PARP3: variants seen among roughly 807,000 people sequenced by gnomAD.
PARP3 encodes the protein protein mono-ADP-ribosyltransferase PARP3.
Under a neutral mutation model 58.2 loss-of-function variants are expected in PARP3, and 46 were observed. The observed-to-expected ratio is 0.79, with a 90% confidence interval of 0.62 to 1.01. The LOEUF is 1.01. Ranked by LOEUF, PARP3 falls within the 50% of genes least tolerant of loss-of-function variation. The pLI, the probability that PARP3 is intolerant of heterozygous loss-of-function variation, is 0.00. For synonymous variants in PARP3, 252 were observed against 266.4 expected (o/e 0.95, Z 0.53); for missense variants, 663 against 683.9 (o/e 0.97, Z 0.34).
intron 6 of PARP3, 98 bp from the exon 7 acceptor site, chr3:51,945,397 C>A: frequency 6.9e-7 from 1 of 1,447,768 alleles, no homozygotes; most frequent in Non-Finnish European, 9.4e-7. Context: ...ACAGGTGGGA[C>A]ACACAGGTGG....
rs1699712019 is a variant in PARP3, at chr3:51,947,725, C to T, written c.1277-15C>T. On this transcript the variant is annotated splice_polypyrimidine_tract_variant and intron_variant, in intron 9 of 10. Coordinates refer to ENST00000398755, the MANE Select transcript of PARP3 (RefSeq NM_001003931.4). ...CAGGCTGAGCTGCCCACCGGTGCCT[C>T]CCTGTGTCTTGCAGTTATTGGCATG... 3 of 1,613,952 alleles carry T rather than the reference C, an allele frequency of 1.9e-6. No individual in the cohort carries two copies. Among genetic ancestry groups the T allele is most frequent in the East Asian group, 4.5e-5 (2 of 44,878 alleles).
intron 2 of PARP3, 134 bp from the exon 3 acceptor site, chr3:51,943,955 C>A (rs759178588): frequency 2.4e-5 from 19 of 775,550 alleles, no homozygotes; most frequent in Non-Finnish European, 4.0e-5. Context: ...AGTGACCCCC[C>A]CAAGCTTCCA....
At chr3:51,943,275 C>A in intron 1 of PARP3, 79 bp from the exon 2 acceptor site, 4 of 1,375,456 alleles carry the variant, frequency 2.9e-6, no homozygotes, top group Non-Finnish European at 3.9e-6. Flanking sequence ...TGGCCCAGGG[C>A]AGGGGTGGGG....
intron 10 of PARP3, 113 bp downstream of exon 10, chr3:51,948,008 CA>C (rs1158676916): frequency 3.7e-6 from 4 of 1,080,924 alleles, no homozygotes; most frequent in Non-Finnish European, 4.0e-6. Flanking sequence ...TCCCTGTCGT[CA>C]CTCAGTTTGT....
In PARP3 at chr3:51,943,487, C is replaced by T. The variant is rs767202745; in HGVS notation, c.132C>T (p.Arg44=). The T allele has an allele frequency of 1.2e-5, 19 of 1,611,076 alleles. No homozygotes were observed. In the East Asian group the frequency reaches 4.2e-4, roughly 36 times the overall value. The change falls in exon 2 of 11, where the codon CGC becomes CGT. Residue 44 remains arginine (R), a synonymous_variant. Transcript: ENST00000398755. ...EALKAIPAEK[R]IIRVDPTCPL... ...TCAAGGCCATACCCGCAGAGAAGCG[C>T]ATAATCCGCGTGGATCCAACATGTC...
Position 51,946,424 on chromosome 3 carries a change from A to C in PARP3, c.1276+81A>C. ...CCCAGTCCTTGGCCACTGGAAATTC[A>C]TGGTGAATCCAAGAGAGGAATCCTT... On this transcript the variant is annotated intron_variant, in intron 9 of 10. Transcript: ENST00000398755. The surrounding 1 kb of genome is among the most constrained non-coding windows in gnomAD (Gnocchi z 4.6). 8.7e-7 allele frequency: 1 copy of C among 1,152,788 alleles called. No individual in the cohort carries two copies. The highest frequency in any genetic ancestry group is 2.5e-5 in the Admixed American group (1 of 40,560). The allele number at this position is 1,152,788 out of a possible 1,614,324, so 71.4% of individuals were successfully genotyped here. A position where few individuals can be genotyped will look rare whatever the true frequency, so the allele number is the denominator to read the frequency against.
intron 10 of PARP3, 29 bp from the exon 11 acceptor site, chr3:51,948,282 G>T: frequency 6.3e-7 from 1 of 1,599,488 alleles, no homozygotes; most frequent in Non-Finnish European, 8.5e-7. Context: ...TGACCCCTGG[G>T]CCACCCTGGC....
chr3:51,943,428 G>T lies in PARP3; in HGVS notation c.73G>T (p.Glu25Ter). The change falls in exon 2 of 11, where the codon GAG becomes TAG. Residue 25 changes from glutamate to a stop codon, truncating the protein, a stop_gained. Coordinates refer to ENST00000398755, the MANE Select transcript of PARP3 (RefSeq NM_001003931.4). LOFTEE classifies it high-confidence loss of function. ...GAAGAAGGGCCGGCAGGCAGGAAGG[G>T]AGGAGGACCCCTTCCGCTCCACCGC... is the stretch of plus-strand genomic sequence containing the variant. ...EKKKGRQAGREEDPFRSTAEA... is the reference protein window; with the variant it reads ...EKKKGRQAGR 6.2e-7 allele frequency: 1 copy of T among 1,607,582 alleles called. No individual in the cohort carries two copies. The highest frequency in any genetic ancestry group is 8.5e-7 in the Non-Finnish European group (1 of 1,177,794).
At position 51,945,146 on chromosome 3, in the gene PARP3, C is replaced by T. The variant is rs778334099; in HGVS notation, c.783C>T (p.Ile261=). ...TGTCCTCACACTTTTACACCGTCAT[C>T]CCGCACAACTTCGGCCACAGCCAGC... is the stretch of plus-strand genomic sequence containing the variant. The part of the protein sequence containing the change: ...EELSSHFYTV[I]PHNFGHSQPP... Residue 261 remains isoleucine, a synonymous_variant, in exon 6 of 11, where the codon ATC becomes ATT. Transcript: ENST00000398755. The T allele has an allele frequency of 1.5e-4, 250 of 1,614,004 alleles. 1 individual carries two copies. Among genetic ancestry groups the T allele is most frequent in the Non-Finnish European group, 1.9e-4 (230 of 1,180,064 alleles).
rs367984364 is a variant in PARP3, at chr3:51,945,017, G to A, written c.654G>A (p.Leu218=). Residue 218 remains leucine (L), a synonymous_variant, in exon 6 of 11, where the codon CTG becomes CTA. Coordinates refer to ENST00000398755, the MANE Select transcript of PARP3 (RefSeq NM_001003931.4). ...LMDLDVKKMP[L]GKLSKQQIAR... ...CCCTAGATGTGAAGAAGATGCCCCT[G>A]GGAAAGCTGAGCAAGCAACAGATTG... 1.9e-5 allele frequency: 30 copies of A among 1,613,866 alleles called. No homozygotes were observed. In the African/African-American group the frequency reaches 2.5e-4, roughly 14 times the overall value.
At position 51,947,934 on chromosome 3, in the gene PARP3, G is replaced by A. The variant is rs1699719592; in HGVS notation, c.1432+39G>A. The stretch of plus-strand genomic sequence containing the variant: ...AGCTGTACAGCCCAAGGAGAGAGGT[G>A]GGGCCGAGATAGGGGCTGGGACATT... On this transcript the variant is annotated intron_variant, in intron 10 of 10. Transcript: ENST00000398755. 6 of 1,590,254 alleles carry A rather than the reference G, an allele frequency of 3.8e-6. No individual in the cohort carries two copies. In the East Asian group the frequency reaches 1.3e-4, roughly 36 times the overall value.
rs380945 is a variant in PARP3 at position 51,948,804 on chromosome 3, T to C, written c.*324T>C. On this transcript the variant is annotated 3_prime_UTR_variant, in exon 11 of 11. Transcript: ENST00000398755. ...TCTTTCTGTGCCTGGCTTATTTCAC[T>C]CAGCATAATGTGCACCGGGTTCACC... The C allele has an allele frequency of 3.9e-3, 1,272 of 325,656 alleles. 21 individuals carry two copies. The highest frequency in any genetic ancestry group is 0.024 in the African/African-American group (1,166 of 47,610). The allele number at this position is 325,656 out of a possible 1,614,324, so 20.2% of individuals were successfully genotyped here. A position where few individuals can be genotyped will look rare whatever the true frequency, so the allele number is the denominator to read the frequency against.
chr3:51,947,492 T>G, intron 9 of PARP3: 1 of 513,224 alleles, frequency 1.9e-6, no homozygotes, highest in Admixed American at 3.3e-5. Flanking sequence ...CTGCCACGGG[T>G]TTGGTCACTG....
At position 51,946,896 on chromosome 3, in the gene PARP3, C is replaced by T. The variant is rs997619417; in HGVS notation, c.1276+553C>T. 4.6e-5 allele frequency among the ~76,000 whole-genome samples: 7 copies of T among 152,178 alleles called. No individual in the cohort carries two copies. The highest frequency in any genetic ancestry group is 1.7e-4 in the African/African-American group (7 of 41,438). On this transcript the variant is annotated intron_variant, in intron 9 of 10. Coordinates refer to ENST00000398755, the MANE Select transcript of PARP3 (RefSeq NM_001003931.4). This position sits in a 1 kb window ranked among gnomAD's most constrained non-coding sequence, Gnocchi z 4.6. Reference sequence around the variant, plus strand: ...AATGCCTAGCCGGGGGCAGGGTGGGCTAGGGGCCCAGAACGATCGAGGAGG... The same window carrying T: ...AATGCCTAGCCGGGGGCAGGGTGGGTTAGGGGCCCAGAACGATCGAGGAGG...
In PARP3 at chr3:51,942,924, C is replaced by G. The variant is rs992517186; in HGVS notation, c.-3+216C>G. The G allele has an allele frequency of 2.8e-6, 4 of 1,414,956 alleles. No homozygotes were observed. The African/African-American group carries it at 5.8e-5, about 20-fold the overall frequency. 87.7% of individuals were successfully genotyped at this position (1,414,956 alleles called of 1,614,324 possible). Reference sequence around the variant, plus strand: ...CCCAGGATCCTCTGCCCACCCTCCCCCATAGCTCGGTGACTCGGCCCGGCA... The same window carrying G: ...CCCAGGATCCTCTGCCCACCCTCCCGCATAGCTCGGTGACTCGGCCCGGCA... On this transcript the variant is annotated intron_variant, in intron 1 of 10. Coordinates refer to ENST00000398755, the MANE Select transcript of PARP3 (RefSeq NM_001003931.4).
chr3:51,946,025 T>C lies in PARP3; in HGVS notation c.1098+86T>C, dbSNP rs1178441655. On this transcript the variant is annotated intron_variant, in intron 8 of 10. Coordinates refer to ENST00000398755, the MANE Select transcript of PARP3 (RefSeq NM_001003931.4). The surrounding 1 kb of genome is among the most constrained non-coding windows in gnomAD (Gnocchi z 4.6). ...CTAATCGGTCCCTTAGCAAATCGTTTAGCAGCTCTGGTCAGTTTCTGCCGG... is the reference window on the plus strand; with the variant it reads ...CTAATCGGTCCCTTAGCAAATCGTTCAGCAGCTCTGGTCAGTTTCTGCCGG... 2 of 1,397,846 alleles carry C rather than the reference T, an allele frequency of 1.4e-6. No individual in the cohort carries two copies. Among genetic ancestry groups the C allele is most frequent in the Non-Finnish European group, 2.0e-6 (2 of 991,220 alleles). 86.6% of individuals were successfully genotyped at this position (1,397,846 alleles called of 1,614,324 possible).
Position 51,945,936 on chromosome 3 carries a change from G to A in PARP3, c.1095G>A (p.Gly365=), listed in dbSNP as rs1475162474. The change falls in exon 8 of 11, where the codon GGG becomes GGA. Residue 365 remains glycine, a synonymous_variant. Transcript: ENST00000398755. ...LQHIWKVNQE[G]EEDRFQAHSK... is the part of the protein sequence containing the mutation. The stretch of plus-strand genomic sequence containing the variant: ...ACATCTGGAAAGTAAACCAAGAAGG[G>A]GAGGTGAGGGAGGTTCCCCCACCTC... 6.2e-7 allele frequency: 1 copy of A among 1,612,442 alleles called. No homozygotes were observed. The highest frequency in any genetic ancestry group is 8.5e-7 in the Non-Finnish European group (1 of 1,178,506).
At chr3:51,948,185 G>A in intron 10 of PARP3, 126 bp from the exon 11 acceptor site, 2 of 1,005,678 alleles carry the variant, frequency 2.0e-6, no homozygotes, top group Non-Finnish European at 2.9e-6. Flanking sequence ...TGGTTTGGAG[G>A]TGGGCAAGGT....
chr3:51,944,384 T>C lies in PARP3; in HGVS notation c.313-6T>C, dbSNP rs1457275863. ...TGGGCATACCCCTGAAGGCTGTCGG[T>C]TGCAGGGAGAGGTCGGCCAGTCAAA... On this transcript the variant is annotated splice_region_variant and splice_polypyrimidine_tract_variant and intron_variant, in intron 3 of 10. Coordinates refer to ENST00000398755, the MANE Select transcript of PARP3 (RefSeq NM_001003931.4). This position sits in a 1 kb window ranked among gnomAD's most constrained non-coding sequence, Gnocchi z 4.2. 1 of 1,613,556 alleles carries C rather than the reference T, an allele frequency of 6.2e-7. No individual in the cohort carries two copies. The highest frequency in any genetic ancestry group is 1.1e-5 in the South Asian group (1 of 91,064).
Sources: gnomAD v4.1 joint callset for allele counts (sites outside exome capture counted in the v4.1 genomes callset) on GRCh38, gnomAD v4.1.1 for gene constraint, Gnocchi (gnomAD v3.1) non-coding constraint, MANE v1.5 for transcripts, NCBI Gene and HGNC (gene_info 2026-07-23, HGNC 2026-07-21) for gene names.